Variants in HS3ST5 observed in about 807,000 individuals in gnomAD.
The protein encoded by HS3ST5 is heparan sulfate glucosamine 3-O-sulfotransferase 5.
A neutral mutation model predicts 25.4 loss-of-function variants in HS3ST5; 10 were observed. The ratio of observed to expected loss-of-function variants is 0.39; its 90% CI spans 0.24 to 0.67. HS3ST5 has a LOEUF of 0.67. HS3ST5 is among the 30% of genes least tolerant of loss of function. HS3ST5 has a pLI of 0.44. For synonymous variants in HS3ST5, 170 were observed against 162.4 expected (o/e 1.05, Z -0.36); for missense variants, 324 against 420.7 (o/e 0.77, Z 2.01).
chr6:114,302,552 T>C (rs1775124337), intron 1 of HS3ST5, among the ~76,000 whole-genome samples: 1 of 152,196 alleles, frequency 6.6e-6, no homozygotes, highest in African/African-American at 2.4e-5. Context: ...TGTGTAATAA[T>C]GAAAATTCTT....
chr6:114,273,050 A>G (rs1773700075), intron 1 of HS3ST5, among the ~76,000 whole-genome samples: 1 of 152,102 alleles, frequency 6.6e-6, no homozygotes, highest in Admixed American at 6.6e-5. Context: ...ATTTAATTTT[A>G]AAAGGATCAT....
intron 3 of HS3ST5, among the ~76,000 whole-genome samples, chr6:114,141,620 CT>C (rs1777902306): frequency 6.6e-6 from 1 of 152,148 alleles, no homozygotes. Context: ...ATAAATGTGC[CT>C]GAGTCACCCA....
At chr6:114,085,479 T>C (rs1774745419) in intron 3 of HS3ST5, among the ~76,000 whole-genome samples, 1 of 152,220 alleles carries the variant, frequency 6.6e-6, no homozygotes, top group African/African-American at 2.4e-5. Flanking sequence ...GCTTGTGAAA[T>C]ATCAGAGTTC....
rs760540259 is a variant in HS3ST5, at chr6:114,057,642, G to A, written c.656C>T (p.Thr219Ile). 11 of 1,614,142 alleles carry A rather than the reference G, an allele frequency of 6.8e-6. No homozygotes were observed. The highest frequency in any genetic ancestry group is 1.6e-4 in the Middle Eastern group (1 of 6,062). Residue 219 changes from threonine (T) to isoleucine (I), a missense_variant, in exon 5 of 5, where the codon ACA becomes ATA. This residue lies in a region of HS3ST5 where 203 missense variants were observed against 303.4 expected (regional missense o/e 0.67). Transcript: ENST00000312719. Reference sequence around the variant, plus strand: ...TTTGTATTTTGTGTTCACTTCGCATGTATTAGGGTCTATGGCCAGCTTCTC... The same window carrying A: ...TTTGTATTTTGTGTTCACTTCGCATATATTAGGGTCTATGGCCAGCTTCTC... The part of the protein sequence containing the change: ...KFEKLAIDPN[T>I]CEVNTKYKAV...
chr6:114,056,085 A>T lies in HS3ST5; in HGVS notation c.*1172T>A, dbSNP rs1229977141. 1.3e-5 allele frequency: 2 copies of T among 152,182 alleles called. No individual in the cohort carries two copies. The highest frequency in any genetic ancestry group is 4.8e-5 in the African/African-American group (2 of 41,434). The allele number at this position is 152,182 out of a possible 1,614,324, so 9.4% of individuals were successfully genotyped here. ...AGTACAGAGTTTTCTAATCTTATTTAATTTCTCTACTGGTCTGACTCTGAT... is the reference window on the plus strand; with the variant it reads ...AGTACAGAGTTTTCTAATCTTATTTTATTTCTCTACTGGTCTGACTCTGAT... On this transcript the variant is annotated 3_prime_UTR_variant, in exon 5 of 5. Transcript: ENST00000312719.
chr6:114,229,596 A>AAATCAAG (rs1021332411), intron 1 of HS3ST5, among the ~76,000 whole-genome samples: 2 of 152,224 alleles, frequency 1.3e-5, no homozygotes, highest in African/African-American at 4.8e-5. Context: ...AGAGAACAGA[A>AAATCAAG]AATCAAGTGT....
At chr6:114,083,205 G>A (rs1774565488) in intron 3 of HS3ST5, among the ~76,000 whole-genome samples, 1 of 152,134 alleles carries the variant, frequency 6.6e-6, no homozygotes, top group Non-Finnish European at 1.5e-5. Flanking sequence ...CAGAGTGAGG[G>A]AAATGGAAAA....
chr6:114,191,756 G>A (rs956662259), intron 2 of HS3ST5, among the ~76,000 whole-genome samples: 34 of 152,110 alleles, frequency 2.2e-4, no homozygotes, highest in Admixed American at 1.7e-3. Flanking sequence ...CCTGTCCACC[G>A]TGGTCCTCCT....
intron 1 of HS3ST5, among the ~76,000 whole-genome samples, chr6:114,339,026 CACCTGT>C (rs1454196375): frequency 6.6e-6 from 1 of 152,078 alleles, no homozygotes; most frequent in African/African-American, 2.4e-5. Flanking sequence ...TTAAGCTATT[CACCTGT>C]ACTTAAAATA....
At chr6:114,225,991 T>C (rs915929013) in intron 2 of HS3ST5, among the ~76,000 whole-genome samples, 8 of 151,920 alleles carry the variant, frequency 5.3e-5, no homozygotes, top group Non-Finnish European at 1.0e-4. Flanking sequence ...TAACAAATAT[T>C]GTCATTAAAC....
chr6:114,108,063 C>T (rs370724235), intron 3 of HS3ST5, among the ~76,000 whole-genome samples: 3 of 151,930 alleles, frequency 2.0e-5, no homozygotes, highest in Admixed American at 1.3e-4. Flanking sequence ...GATGTGTGTG[C>T]GTGTGTGCAT....
At chr6:114,159,306 AT>A (rs539536248) in intron 3 of HS3ST5, among the ~76,000 whole-genome samples, 29 of 152,178 alleles carry the variant, frequency 1.9e-4, no homozygotes, top group Non-Finnish European at 3.1e-4. Flanking sequence ...TCATAGTAGC[AT>A]TTTTTTCAAT....
chr6:114,229,309 CTT>C (rs1771464866), intron 1 of HS3ST5, among the ~76,000 whole-genome samples: 1 of 152,076 alleles, frequency 6.6e-6, no homozygotes, highest in African/African-American at 2.4e-5. Context: ...ATTCTAGAAT[CTT>C]TGTTGGATGA....
intron 1 of HS3ST5, among the ~76,000 whole-genome samples, chr6:114,267,204 CTA>C (rs1376330275): frequency 2.6e-5 from 4 of 152,114 alleles, no homozygotes; most frequent in Non-Finnish European, 5.9e-5. Context: ...AAAAATGAGT[CTA>C]TGTGATAAAA....
At chr6:114,162,015 T>C (rs889709496) in intron 3 of HS3ST5, among the ~76,000 whole-genome samples, 1 of 152,118 alleles carries the variant, frequency 6.6e-6, no homozygotes, top group African/African-American at 2.4e-5. Flanking sequence ...ATTTTGGAGG[T>C]AAATGAAACA....
chr6:114,118,428 A>T (rs1776634196), intron 3 of HS3ST5, among the ~76,000 whole-genome samples: 1 of 152,208 alleles, frequency 6.6e-6, no homozygotes, highest in Non-Finnish European at 1.5e-5. Context: ...TGATTCTCAA[A>T]CACTTTATGT....
At chr6:114,273,135 T>C (rs1246155990) in intron 1 of HS3ST5, among the ~76,000 whole-genome samples, 3 of 151,984 alleles carry the variant, frequency 2.0e-5, no homozygotes, top group Non-Finnish European at 4.4e-5. Context: ...AATAATGCCA[T>C]TGAGAGATTA....
intron 3 of HS3ST5, chr6:114,143,558 C>T (rs1450022690): frequency 6.6e-6 from 1 of 152,146 alleles, no homozygotes; most frequent in Admixed American, 6.6e-5. Context: ...CAAACCCGGG[C>T]AAATGGCGCC....
chr6:114,238,494 T>G (rs1771960669), intron 1 of HS3ST5, among the ~76,000 whole-genome samples: 2 of 152,214 alleles, frequency 1.3e-5, no homozygotes, highest in African/African-American at 4.8e-5. Flanking sequence ...TTTTTTTTGT[T>G]ATAGTTTCAG....
Sources: allele counts gnomAD v4.1 joint callset (sites outside exome capture counted in the v4.1 genomes callset), GRCh38; gene constraint gnomAD v4.1.1; regional missense constraint gnomAD v4.1.1; transcripts MANE v1.5; gene names NCBI Gene and HGNC (gene_info 2026-07-23, HGNC 2026-07-21).